NRXN1: variants seen among roughly 807,000 people sequenced by gnomAD.
NRXN1 encodes neurexin 1, also known as neurexin-1.
Under a neutral mutation model 150.9 loss-of-function variants are expected in NRXN1, and 39 were observed. That is an observed-to-expected ratio of 0.26 (90% CI 0.20 to 0.34). The LOEUF is 0.34. NRXN1 is among the 10% of genes least tolerant of loss of function. NRXN1 has a pLI of 1.00. For missense variants in NRXN1, 1,815 were observed against 1,949.9 expected (o/e 0.93, Z 1.30); for synonymous variants, 924 against 757.0 (o/e 1.22, Z -3.62).
intron 21 of NRXN1, among the ~76,000 whole-genome samples, chr2:49,988,367 G>T (rs999656984): frequency 6.6e-6 from 1 of 151,612 alleles, no homozygotes; most frequent in African/African-American, 2.4e-5. Context: ...GCTAAAATCT[G>T]GGTAAACAAA....
At chr2:50,650,131 G>C (rs964043779) in intron 5 of NRXN1, among the ~76,000 whole-genome samples, 8 of 152,014 alleles carry the variant, frequency 5.3e-5, no homozygotes, top group African/African-American at 1.9e-4. Flanking sequence ...TGTCTGTTCT[G>C]ATAATAATGT....
At position 50,347,228 on chromosome 2, in the gene NRXN1, G is replaced by C. The variant is rs201736704; in HGVS notation, c.3365-110258C>G. The C allele has an allele frequency of 1.5e-6, 2 of 1,333,508 alleles. No homozygotes were observed. Among genetic ancestry groups the C allele is most frequent in the Admixed American group, 2.2e-5 (1 of 44,844 alleles). 82.6% of individuals were successfully genotyped at this position (1,333,508 alleles called of 1,614,324 possible). On this transcript the variant is annotated intron_variant, in intron 17 of 22. Transcript: ENST00000401669. This position sits in a 1 kb window ranked among gnomAD's most constrained non-coding sequence, Gnocchi z 4.9. ...CCCCGGGAACAGCAAGCGCGGAGCG[G>C]GTGGCTGCTCCCAGATTTCCAGGGC... is the stretch of plus-strand genomic sequence containing the variant.
Position 50,997,043 on chromosome 2 carries a change from T to C in NRXN1, c.772+30459A>G, listed in dbSNP as rs1268574328. Among the ~76,000 whole-genome samples the C allele has an allele frequency of 2.6e-5, 4 of 152,116 alleles. No homozygotes were observed. In the East Asian group the frequency reaches 7.8e-4, roughly 30 times the overall value. ...CAATGGATCCTGGAGTTTAAAAAACTGCAAGAAGGCACTGGAATTAAATGA... is the reference window on the plus strand; with the variant it reads ...CAATGGATCCTGGAGTTTAAAAAACCGCAAGAAGGCACTGGAATTAAATGA... On this transcript the variant is annotated intron_variant, in intron 2 of 22. Transcript: ENST00000401669.
intron 5 of NRXN1, among the ~76,000 whole-genome samples, chr2:50,830,558 T>C (rs1671268535): frequency 6.6e-6 from 1 of 151,764 alleles, no homozygotes; most frequent in Non-Finnish European, 1.5e-5. Context: ...TCAGTTCTTC[T>C]GAGCCCTGAA....
chr2:50,164,405 G>C (rs1439015453), intron 18 of NRXN1, among the ~76,000 whole-genome samples: 5 of 152,190 alleles, frequency 3.3e-5, no homozygotes, highest in East Asian at 1.9e-4. Context: ...TTAGAAGGCA[G>C]AGAAGACCAT....
chr2:50,865,615 T>TGTGTGTGTGTG (rs1559368400), intron 5 of NRXN1, among the ~76,000 whole-genome samples: 2 of 138,380 alleles, frequency 1.4e-5, no homozygotes, highest in Non-Finnish European at 3.1e-5. Context: ...TGTGTGTGTG[T>TGTGTGTGTGTG]AGTAGCACCT....
intron 18 of NRXN1, among the ~76,000 whole-genome samples, chr2:50,097,199 A>AT (rs751697572): frequency 1.4e-4 from 22 of 152,224 alleles, no homozygotes; most frequent in Non-Finnish European, 2.5e-4. Flanking sequence ...TCTGTTTACT[A>AT]TACTCCTAGA....
intron 17 of NRXN1, among the ~76,000 whole-genome samples, chr2:50,356,811 T>A (rs1206468076): frequency 6.6e-6 from 1 of 152,150 alleles, no homozygotes; most frequent in Non-Finnish European, 1.5e-5. Flanking sequence ...ACAAAGCATA[T>A]CTGATGATTT....
intron 15 of NRXN1, among the ~76,000 whole-genome samples, chr2:50,481,152 T>C (rs1257938979): frequency 1.3e-5 from 2 of 152,252 alleles, no homozygotes; most frequent in African/African-American, 4.8e-5. Flanking sequence ...CTATGTTAAT[T>C]GTCCGTTAAT....
At chr2:49,967,999 A>G (rs1449487769) in intron 21 of NRXN1, among the ~76,000 whole-genome samples, 6 of 152,052 alleles carry the variant, frequency 3.9e-5, no homozygotes, top group Admixed American at 1.3e-4. Context: ...TGAGAAAATA[A>G]TACTATTGAT....
At chr2:50,191,378 A>T in intron 18 of NRXN1, among the ~76,000 whole-genome samples, 1 of 152,080 alleles carries the variant, frequency 6.6e-6, no homozygotes, top group Non-Finnish European at 1.5e-5. Context: ...GCTATAGTAC[A>T]ATATCTAAAT....
intron 2 of NRXN1, among the ~76,000 whole-genome samples, chr2:50,961,529 C>T (rs140033437): frequency 1.3e-5 from 2 of 151,676 alleles, no homozygotes; most frequent in African/African-American, 4.8e-5. Context: ...CAACCAGATG[C>T]TAGGAAAAAA....
chr2:50,274,819 T>C (rs2070220285), intron 17 of NRXN1, among the ~76,000 whole-genome samples: 1 of 152,068 alleles, frequency 6.6e-6, no homozygotes, highest in Non-Finnish European at 1.5e-5. Flanking sequence ...TAGTAGTCGA[T>C]GTTGCCTAAA....
chr2:50,603,342 G>A (rs1011777787), intron 8 of NRXN1, among the ~76,000 whole-genome samples: 3 of 152,162 alleles, frequency 2.0e-5, no homozygotes, highest in Non-Finnish European at 4.4e-5. Context: ...GCCGTTGGCT[G>A]GCTCAGAAAG....
intron 19 of NRXN1, among the ~76,000 whole-genome samples, chr2:50,087,267 T>C (rs1385006562): frequency 1.3e-5 from 2 of 152,204 alleles, no homozygotes; most frequent in Admixed American, 1.3e-4. Flanking sequence ...AAATTTAGTA[T>C]GTTACTTTTA....
intron 17 of NRXN1, among the ~76,000 whole-genome samples, chr2:50,458,104 T>A (rs1250893488): frequency 6.6e-6 from 1 of 151,966 alleles, no homozygotes; most frequent in Non-Finnish European, 1.5e-5. Context: ...GATAAACGGA[T>A]AAAGAAAAAA....
intron 8 of NRXN1, among the ~76,000 whole-genome samples, chr2:50,555,658 C>G (rs1246044801): frequency 6.6e-6 from 1 of 152,100 alleles, no homozygotes; most frequent in Non-Finnish European, 1.5e-5. Flanking sequence ...AAAATTCTTC[C>G]TTCACCTTTT....
chr2:50,084,047 A>G (rs536360263), intron 19 of NRXN1, among the ~76,000 whole-genome samples: 1 of 152,338 alleles, frequency 6.6e-6, no homozygotes, highest in East Asian at 1.9e-4. Flanking sequence ...AGTTAGATAC[A>G]GAGTGCAGAT....
chr2:50,395,059 C>A (rs187648196), intron 17 of NRXN1, among the ~76,000 whole-genome samples: 263 of 152,048 alleles, frequency 1.7e-3, no homozygotes, highest in African/African-American at 6.1e-3. Context: ...CACTTTTTCC[C>A]ATTTCCCTGC....
Sources: allele counts gnomAD v4.1 joint callset (sites outside exome capture counted in the v4.1 genomes callset), GRCh38; gene constraint gnomAD v4.1.1; non-coding constraint Gnocchi (gnomAD v3.1); transcripts MANE v1.5; gene names NCBI Gene and HGNC (gene_info 2026-07-23, HGNC 2026-07-21).